Variants in CDIN1 observed in about 807,000 individuals in gnomAD.
The protein encoded by CDIN1 is CDAN1-interacting nuclease 1.
In CDIN1, 33 loss-of-function variants were observed where a neutral mutation model predicts 45.3. That is an observed-to-expected ratio of 0.73 (90% CI 0.55 to 0.97). CDIN1 has a LOEUF of 0.97. Among genes scored for constraint, CDIN1 ranks in the 50% least tolerant of loss-of-function variants. The pLI is 0.00. For missense variants in CDIN1, 303 were observed against 339.4 expected (o/e 0.89, Z 0.84); for synonymous variants, 118 against 124.4 (o/e 0.95, Z 0.34).
At chr15:36,782,959 C>G (rs2054389641) in intron 10 of CDIN1, among the ~76,000 whole-genome samples, 1 of 152,154 alleles carries the variant, frequency 6.6e-6, no homozygotes, top group Admixed American at 6.5e-5. Flanking sequence ...CCCAAGAAAT[C>G]TTCATTTTTC....
intron 10 of CDIN1, among the ~76,000 whole-genome samples, chr15:36,717,620 C>T (rs2043259578): frequency 1.3e-5 from 2 of 151,988 alleles, no homozygotes; most frequent in Non-Finnish European, 2.9e-5. Flanking sequence ...TAAAGCTGAT[C>T]TGAACAGTTT....
At chr15:36,651,535 C>A (rs928711172) in intron 3 of CDIN1, among the ~76,000 whole-genome samples, 1 of 152,114 alleles carries the variant, frequency 6.6e-6, no homozygotes, top group African/African-American at 2.4e-5. Context: ...ACAAATATAA[C>A]CTTAAATTAA....
At chr15:36,662,984 C>T (rs1008255029) in intron 5 of CDIN1, among the ~76,000 whole-genome samples, 1 of 148,586 alleles carries the variant, frequency 6.7e-6, no homozygotes, top group African/African-American at 2.5e-5. Context: ...TGGAGCATTT[C>T]AGATTTCAGA....
intron 5 of CDIN1, among the ~76,000 whole-genome samples, chr15:36,660,711 T>C (rs1432599171): frequency 2.0e-5 from 3 of 152,190 alleles, no homozygotes; most frequent in Non-Finnish European, 4.4e-5. Context: ...TAATGTTCTA[T>C]AGCCTTTTAG....
chr15:36,637,897 T>C (rs913240493), intron 1 of CDIN1, among the ~76,000 whole-genome samples: 9 of 152,078 alleles, frequency 5.9e-5, no homozygotes, highest in African/African-American at 2.2e-4. Context: ...AAGGGACATA[T>C]TTGGGTGGTA....
At chr15:36,691,543 A>G in intron 5 of CDIN1, 142 bp from the exon 6 acceptor site, 3 of 594,690 alleles carry the variant, frequency 5.0e-6, no homozygotes, top group East Asian at 5.8e-5. Context: ...CTTCTGTTAG[A>G]TTATAGAAAA....
At chr15:36,674,806 A>G (rs967605522) in intron 5 of CDIN1, among the ~76,000 whole-genome samples, 2 of 152,040 alleles carry the variant, frequency 1.3e-5, no homozygotes, top group African/African-American at 4.8e-5. Context: ...TTGATTATCC[A>G]TTATCGTTTG....
intron 10 of CDIN1, among the ~76,000 whole-genome samples, chr15:36,802,783 C>T (rs1447796454): frequency 6.6e-6 from 1 of 152,120 alleles, no homozygotes; most frequent in Non-Finnish European, 1.5e-5. Flanking sequence ...CAGAAAGATA[C>T]TTATATCATA....
chr15:36,796,215 T>G (rs1336275037), intron 10 of CDIN1, among the ~76,000 whole-genome samples: 1 of 152,194 alleles, frequency 6.6e-6, no homozygotes, highest in Non-Finnish European at 1.5e-5. Context: ...GTGGGGTTTT[T>G]GGCATCAGGC....
chr15:36,619,479 C>G (rs1038989156), intron 1 of CDIN1, among the ~76,000 whole-genome samples: 3 of 150,400 alleles, frequency 2.0e-5, no homozygotes, highest in Admixed American at 6.7e-5. Flanking sequence ...TTCTATCTAT[C>G]TATCTATCTA....
chr15:36,589,256 T>G (rs1431449982), intron 1 of CDIN1, among the ~76,000 whole-genome samples: 1 of 152,210 alleles, frequency 6.6e-6, no homozygotes, highest in Non-Finnish European at 1.5e-5. Context: ...AGATTAAATC[T>G]GAAAAGTGAC....
rs59141560 is a variant in CDIN1, at chr15:36,767,175, T to TAAA, written c.717-41143_717-41141dup. ...GGGGATGTCCAATTTTCCCAGCAGTTAAAAAAAATGGATCTATATTTTTAA... is the reference window on the plus strand; with the variant it reads ...GGGGATGTCCAATTTTCCCAGCAGTTAAAAAAAAAAATGGATCTATATTTTTAA... On this transcript the variant is annotated intron_variant, in intron 10 of 10. Transcript: ENST00000566621. Among the ~76,000 whole-genome samples, 1,095 of 151,704 alleles carry TAAA rather than the reference T, an allele frequency of 7.2e-3. 6 individuals carry two copies. The highest frequency in any genetic ancestry group is 0.011 in the Non-Finnish European group (716 of 67,904).
Position 36,800,602 on chromosome 15 carries a change from G to C in CDIN1, c.717-7722G>C, listed in dbSNP as rs545749364. On this transcript the variant is annotated intron_variant, in intron 10 of 10. Transcript: ENST00000566621. ...CAAGTGCATAACCAATCTACAACAC[G>C]TAGATTAAAACTAAATAAACAGTGT... 7.9e-5 allele frequency among the ~76,000 whole-genome samples: 12 copies of C among 152,032 alleles called. No homozygotes were observed. In the East Asian group the frequency reaches 1.2e-3, roughly 15 times the overall value.
chr15:36,618,780 A>T, intron 1 of CDIN1: 4 of 757,626 alleles, frequency 5.3e-6, no homozygotes, highest in Non-Finnish European at 9.6e-6. Context: ...AAAAAAAAAA[A>T]GGATCTAATA....
chr15:36,805,386 A>G, intron 10 of CDIN1, among the ~76,000 whole-genome samples: 1 of 152,152 alleles, frequency 6.6e-6, no homozygotes, highest in South Asian at 2.1e-4. Flanking sequence ...CCTCAGACCC[A>G]AGGACTCTCT....
chr15:36,678,142 T>C (rs1350794450), intron 5 of CDIN1, among the ~76,000 whole-genome samples: 2 of 152,216 alleles, frequency 1.3e-5, no homozygotes, highest in East Asian at 3.8e-4. Flanking sequence ...CTTATTCAGA[T>C]TGTCAAATGA....
Position 36,764,214 on chromosome 15 carries a change from GTTT to G in CDIN1, c.717-44093_717-44091del, listed in dbSNP as rs11297312. Reference sequence around the variant, plus strand: ...TTTTTATTTTCTTTCTGTGGTTTTGGTTTTTTTTTTTTTTTTTTTGTCATTGTG... The same window carrying G: ...TTTTTATTTTCTTTCTGTGGTTTTGGTTTTTTTTTTTTTTTTGTCATTGTG... On this transcript the variant is annotated intron_variant, in intron 10 of 10. Transcript: ENST00000566621. 2.3e-3 allele frequency among the ~76,000 whole-genome samples: 273 copies of G among 116,258 alleles called. 1 individual carries two copies. Among genetic ancestry groups the G allele is most frequent in the African/African-American group, 7.6e-3 (252 of 33,000 alleles). The allele number at this position is 116,258 out of a possible 152,430, so 76.3% of individuals were successfully genotyped here.
At chr15:36,585,072 A>C (rs1215666435) in intron 1 of CDIN1, among the ~76,000 whole-genome samples, 1 of 152,202 alleles carries the variant, frequency 6.6e-6, no homozygotes, top group Non-Finnish European at 1.5e-5. Context: ...GTTACTTATA[A>C]GGTTATATTT....
chr15:36,800,909 G>GTGTGTATATATATATATATATA (rs1156514805), intron 10 of CDIN1, among the ~76,000 whole-genome samples: 8 of 22,392 alleles, frequency 3.6e-4, no homozygotes, highest in Non-Finnish European at 7.0e-4. Flanking sequence ...GTGTGTGTGT[G>GTGTGTATATATATATATATATA]TATATATATA....
Sources: allele counts gnomAD v4.1 joint callset (sites outside exome capture counted in the v4.1 genomes callset), GRCh38; gene constraint gnomAD v4.1.1; transcripts MANE v1.5; gene names NCBI Gene and HGNC (gene_info 2026-07-23, HGNC 2026-07-21).